VWF: variants seen among roughly 807,000 people sequenced by gnomAD.
The protein encoded by VWF is von Willebrand factor, also known as Factor VIII related antigen.
A neutral mutation model predicts 308.6 loss-of-function variants in VWF; 176 were observed. The ratio of observed to expected loss-of-function variants is 0.57; its 90% CI spans 0.50 to 0.65. The LOEUF (loss-of-function observed/expected upper bound fraction) is 0.65. Among genes scored for constraint, VWF ranks in the 30% least tolerant of loss-of-function variants. The pLI is 0.00. For synonymous variants in VWF, 1,385 were observed against 1,443.4 expected (o/e 0.96, Z 0.92); for missense variants, 3,146 against 3,648.2 (o/e 0.86, Z 3.55).
chr12:5,957,320 G>A (rs1312496733), intron 47 of VWF, among the ~76,000 whole-genome samples: 1 of 152,038 alleles, frequency 6.6e-6, no homozygotes, highest in African/African-American at 2.4e-5. Context: ...CGTGTAATTA[G>A]AGTTTCAGAA....
Position 6,022,053 on chromosome 12 carries a change from C to A in VWF, c.3539-18G>T. The A allele has an allele frequency of 6.2e-7, 1 of 1,614,000 alleles. No homozygotes were observed. Among genetic ancestry groups the A allele is most frequent in the Non-Finnish European group, 8.5e-7 (1 of 1,179,990 alleles). On this transcript the variant is annotated intron_variant, in intron 26 of 51. Coordinates refer to ENST00000261405, the MANE Select transcript of VWF (RefSeq NM_000552.5). ...GATTTTCCCTGCAAAAGAAAGCTCT[C>A]ATTAGGAACCAAAACGCTCCCCTTT...
At chr12:5,963,696 G>C (rs550296353) in intron 47 of VWF, among the ~76,000 whole-genome samples, 3 of 152,284 alleles carry the variant, frequency 2.0e-5, no homozygotes, top group Admixed American at 2.0e-4. Flanking sequence ...TCGTTTTTGA[G>C]ACAAGGTCTC....
chr12:6,026,823 C>T, intron 22 of VWF, among the ~76,000 whole-genome samples: 1 of 152,008 alleles, frequency 6.6e-6, no homozygotes, highest in East Asian at 1.9e-4. Context: ...TAGTAACTAC[C>T]CTGATTTGAT....
chr12:6,119,201 C>T (rs538134860), intron 3 of VWF, among the ~76,000 whole-genome samples: 1 of 152,198 alleles, frequency 6.6e-6, no homozygotes, highest in African/African-American at 2.4e-5. Context: ...GATGGTACAG[C>T]CTCCCAGCCT....
intron 34 of VWF, among the ~76,000 whole-genome samples, chr12:6,003,236 A>G (rs978345359): frequency 6.6e-6 from 1 of 152,218 alleles, no homozygotes; most frequent in Admixed American, 6.5e-5. Context: ...TTTCTACATG[A>G]TTTAAGAGGC....
chr12:6,120,285 G>A (rs2136534248), intron 3 of VWF, among the ~76,000 whole-genome samples: 1 of 152,070 alleles, frequency 6.6e-6, no homozygotes, highest in Middle Eastern at 3.4e-3. Context: ...CTTGGGCTCT[G>A]TCCTTGGCCT....
chr12:6,026,147 C>T lies in VWF; in HGVS notation c.2968-101G>A, dbSNP rs1944189602. ...TCCTGGCGGCAATGGAGGCAGAGGG[C>T]ATTCGAGGAAGAGGAGGAGGAGCGG... On this transcript the variant is annotated intron_variant, in intron 22 of 51. Coordinates refer to ENST00000261405, the MANE Select transcript of VWF (RefSeq NM_000552.5). The T allele has an allele frequency of 7.1e-6, 11 of 1,553,096 alleles. No individual in the cohort carries two copies. The Middle Eastern group carries it at 6.8e-4, about 96-fold the overall frequency.
chr12:6,002,408 G>C (rs1474704828), intron 34 of VWF, among the ~76,000 whole-genome samples: 1 of 151,646 alleles, frequency 6.6e-6, no homozygotes, highest in Non-Finnish European at 1.5e-5. Flanking sequence ...TATTTAAAAA[G>C]AATTTTTGAT....
intron 6 of VWF, among the ~76,000 whole-genome samples, chr12:6,093,856 C>T (rs949323266): frequency 3.3e-5 from 5 of 152,166 alleles, no homozygotes; most frequent in Non-Finnish European, 7.4e-5. Flanking sequence ...CCCACCTCCC[C>T]TTCTCTCCAG....
intron 51 of VWF, among the ~76,000 whole-genome samples, 159 bp from the exon 52 acceptor site, chr12:5,949,362 A>C (rs371228807): frequency 5.9e-5 from 9 of 152,316 alleles, no homozygotes; most frequent in African/African-American, 2.2e-4. Flanking sequence ...TTGTAAAGGA[A>C]GATCATAGGT....
intron 24 of VWF, among the ~76,000 whole-genome samples, chr12:6,025,236 T>C (rs1206052040): frequency 6.6e-6 from 1 of 152,092 alleles, no homozygotes; most frequent in Admixed American, 6.5e-5. Flanking sequence ...AATGCAGCAG[T>C]GACAGGAAAA....
intron 34 of VWF, among the ~76,000 whole-genome samples, chr12:6,000,772 T>A (rs1285057885): frequency 2.3e-5 from 3 of 129,448 alleles, no homozygotes; most frequent in South Asian, 2.5e-4. Context: ...AGATCGCGCC[T>A]CTGCACTCCA....
chr12:5,988,320 C>A (rs1036407104), intron 38 of VWF, among the ~76,000 whole-genome samples: 59 of 152,148 alleles, frequency 3.9e-4, no homozygotes, highest in Admixed American at 3.3e-3. Flanking sequence ...GGAATAAAAA[C>A]CAGAAAAGAC....
chr12:6,073,611 T>C lies in VWF; in HGVS notation c.997+8A>G. 1 of 1,613,920 alleles carries C rather than the reference T, an allele frequency of 6.2e-7. No individual in the cohort carries two copies. The highest frequency in any genetic ancestry group is 1.1e-5 in the South Asian group (1 of 91,074). On this transcript the variant is annotated splice_region_variant and intron_variant, in intron 8 of 51. Coordinates refer to ENST00000261405, the MANE Select transcript of VWF (RefSeq NM_000552.5). ...TCTGATCTGTAAATAAAGTGGGAAG[T>C]TCATTACCAGGGCAGCTGCAGCCAT...
chr12:5,984,682 C>T (rs1438777183), intron 40 of VWF, among the ~76,000 whole-genome samples: 1 of 152,270 alleles, frequency 6.6e-6, no homozygotes, highest in African/African-American at 2.4e-5. Flanking sequence ...CTGCTGAACT[C>T]AAGGTGCCCA....
intron 18 of VWF, among the ~76,000 whole-genome samples, chr12:6,038,915 T>TA (rs566142007): frequency 1.6e-4 from 25 of 152,212 alleles, no homozygotes; most frequent in African/African-American, 6.0e-4. Flanking sequence ...ATAGCCCAGC[T>TA]AAAAACACCC....
intron 43 of VWF, 152 bp downstream of exon 43, chr12:5,975,959 T>G: frequency 8.8e-7 from 1 of 1,135,544 alleles, no homozygotes; most frequent in Non-Finnish European, 1.3e-6. Context: ...GAGCTTGCAG[T>G]GAGCCGAGAT....
intron 34 of VWF, among the ~76,000 whole-genome samples, chr12:6,000,704 C>A (rs1395183895): frequency 2.0e-5 from 3 of 146,896 alleles, no homozygotes; most frequent in Non-Finnish European, 4.5e-5. Flanking sequence ...CCCAGCTACT[C>A]GGGAGGCTGA....
Position 6,075,187 on chromosome 12 carries a change from T to C in VWF, c.874+148A>G, listed in dbSNP as rs1235446132. ...GGGCAGGAGCCATTCAGGAAATGGG[T>C]CCGGGACACGTGGCTTTGTAGTCAC... On this transcript the variant is annotated intron_variant, in intron 7 of 51. Transcript: ENST00000261405. This position sits in a 1 kb window ranked among gnomAD's most constrained non-coding sequence, Gnocchi z 4.7. 8.9e-6 allele frequency: 9 copies of C among 1,006,602 alleles called. No individual in the cohort carries two copies. Among genetic ancestry groups the C allele is most frequent in the Non-Finnish European group, 1.3e-5 (9 of 674,020 alleles). 62.4% of individuals were successfully genotyped at this position (1,006,602 alleles called of 1,614,324 possible). A position where few individuals can be genotyped will look rare whatever the true frequency, so the allele number is the denominator to read the frequency against.
Sources: gnomAD v4.1 joint callset for allele counts (sites outside exome capture counted in the v4.1 genomes callset) on GRCh38, gnomAD v4.1.1 for gene constraint, Gnocchi (gnomAD v3.1) non-coding constraint, MANE v1.5 for transcripts, NCBI Gene and HGNC (gene_info 2026-07-23, HGNC 2026-07-21) for gene names.